The following WDPCP variants were observed in gnomAD, a reference collection of about 807,000 sequenced individuals.
WDPCP encodes the protein WD repeat-containing and planar cell polarity effector protein fritz homolog.
In WDPCP, 71 loss-of-function variants were observed where a neutral mutation model predicts 93.1. The observed-to-expected ratio is 0.76, with a 90% CI of 0.63 to 0.93. The LOEUF (loss-of-function observed/expected upper bound fraction) is 0.93, where lower values mean the gene tolerates loss of function less well. Ranked by LOEUF, WDPCP falls within the 40% of genes least tolerant of loss-of-function variation. The pLI, the probability that WDPCP is intolerant of heterozygous loss-of-function variation, is 0.00. For missense variants in WDPCP, 844 were observed against 887.4 expected (o/e 0.95, Z 0.62); for synonymous variants, 315 against 315.0 (o/e 1.00, Z 0.00).
chr2:63,449,181 A>T (rs1698064710), intron 6 of WDPCP, among the ~76,000 whole-genome samples: 1 of 152,206 alleles, frequency 6.6e-6, no homozygotes, highest in Non-Finnish European at 1.5e-5. Flanking sequence ...AATCTATCAC[A>T]AAATATTTGC....
At chr2:63,468,887 C>T (rs1288203024) in intron 6 of WDPCP, among the ~76,000 whole-genome samples, 1 of 152,058 alleles carries the variant, frequency 6.6e-6, no homozygotes, top group Non-Finnish European at 1.5e-5. Flanking sequence ...ATTAAAACCT[C>T]TTTTGACTCC....
At chr2:63,825,371 T>C (rs1558920063) in intron 1 of WDPCP, among the ~76,000 whole-genome samples, 1 of 152,174 alleles carries the variant, frequency 6.6e-6, no homozygotes, top group Non-Finnish European at 1.5e-5. Context: ...ATGTTTTATA[T>C]AGGCTTTTTG....
intron 2 of WDPCP, among the ~76,000 whole-genome samples, chr2:63,719,923 T>C (rs980115608): frequency 2.6e-5 from 4 of 152,172 alleles, no homozygotes; most frequent in African/African-American, 9.7e-5. Context: ...CTAGTATTTA[T>C]ATAGCAATCA....
At chr2:63,146,464 G>A (rs962465326) in intron 17 of WDPCP, among the ~76,000 whole-genome samples, 5 of 145,310 alleles carry the variant, frequency 3.4e-5, no homozygotes, top group East Asian at 2.0e-4. Context: ...GAGTGCAGTC[G>A]TGCAGTCTTA....
chr2:63,163,778 T>A (rs1672787301), intron 15 of WDPCP, among the ~76,000 whole-genome samples: 1 of 152,202 alleles, frequency 6.6e-6, no homozygotes, highest in Non-Finnish European at 1.5e-5. Flanking sequence ...GGCATTCTGT[T>A]GACAATTTCT....
chr2:63,484,471 G>C, intron 6 of WDPCP, 133 bp downstream of exon 6: 1 of 949,856 alleles, frequency 1.1e-6, no homozygotes, highest in South Asian at 1.4e-5. Flanking sequence ...AGAACAACTA[G>C]AATTCAAACT....
At chr2:63,776,554 G>A (rs557937615) in intron 2 of WDPCP, among the ~76,000 whole-genome samples, 1 of 151,114 alleles carries the variant, frequency 6.6e-6, no homozygotes, top group South Asian at 2.1e-4. Context: ...TACCAGGAAG[G>A]CTGAGATAAG....
chr2:63,338,380 C>T (rs1462288059), intron 12 of WDPCP, among the ~76,000 whole-genome samples: 2 of 151,254 alleles, frequency 1.3e-5, no homozygotes, highest in South Asian at 2.1e-4. Context: ...GGTGAAACCC[C>T]GTCTCTATTA....
At position 63,302,148 on chromosome 2, in the gene WDPCP, C is replaced by G. The variant is rs183090402; in HGVS notation, c.1812+11100G>C. Among the ~76,000 whole-genome samples, 8 of 152,284 alleles carry G rather than the reference C, an allele frequency of 5.3e-5. No individual in the cohort carries two copies. The South Asian group carries it at 1.7e-3, about 32-fold the overall frequency. ...AGGGAGACTTAGGTCAATTTTCTAA[C>G]GACTCTGATAGGTATATAGAAGCTT... is the stretch of plus-strand genomic sequence containing the variant. On this transcript the variant is annotated intron_variant, in intron 13 of 17. Coordinates refer to ENST00000272321, the MANE Select transcript of WDPCP (RefSeq NM_015910.7).
rs373177115 is a variant in WDPCP, at chr2:63,575,399, GTA to G, written c.75+12796_75+12797del. On this transcript the variant is annotated intron_variant, in intron 1 of 17. Transcript: ENST00000272321. ...ATACAGTATATACACGGTATATACA[GTA>G]TATATACAGTATATACACTGTATAC... is the stretch of plus-strand genomic sequence containing the variant. 6.6e-3 allele frequency among the ~76,000 whole-genome samples: 142 copies of G among 21,368 alleles called. 9 individuals are homozygous for G. Among genetic ancestry groups the G allele is most frequent in the Non-Finnish European group, 0.012 (96 of 7,690 alleles). 14.0% of individuals were successfully genotyped at this position (21,368 alleles called of 152,430 possible). A position where few individuals can be genotyped will look rare whatever the true frequency, so the allele number is the denominator to read the frequency against.
At chr2:63,210,489 C>T (rs1435749422) in intron 14 of WDPCP, among the ~76,000 whole-genome samples, 8 of 152,022 alleles carry the variant, frequency 5.3e-5, no homozygotes, top group South Asian at 2.1e-4. Flanking sequence ...TCCAAGATGG[C>T]GGGATAGGAA....
At chr2:63,282,774 G>C (rs949727196) in intron 13 of WDPCP, among the ~76,000 whole-genome samples, 1 of 152,042 alleles carries the variant, frequency 6.6e-6, no homozygotes, top group Non-Finnish European at 1.5e-5. Flanking sequence ...CAGTATTAAT[G>C]AGGGATTTGT....
chr2:63,419,793 A>C (rs1264651912), intron 9 of WDPCP, among the ~76,000 whole-genome samples: 1 of 152,220 alleles, frequency 6.6e-6, no homozygotes, highest in Non-Finnish European at 1.5e-5. Flanking sequence ...TAAATCAGGA[A>C]AAAAAATTAC....
At chr2:63,492,765 TG>T in intron 2 of WDPCP, 90 bp downstream of exon 2, 1 of 1,164,336 alleles carries the variant, frequency 8.6e-7, no homozygotes, top group Non-Finnish European at 1.3e-6. Flanking sequence ...CAACTCCAGC[TG>T]GAGAATTCAG....
chr2:63,234,761 T>A (rs1679236281), intron 14 of WDPCP, among the ~76,000 whole-genome samples: 1 of 152,172 alleles, frequency 6.6e-6, no homozygotes, highest in Admixed American at 6.6e-5. Flanking sequence ...TACATTGTAG[T>A]ATAGAATGTA....
intron 2 of WDPCP, among the ~76,000 whole-genome samples, chr2:63,765,255 T>C (rs1474425973): frequency 6.6e-6 from 1 of 152,120 alleles, no homozygotes; most frequent in Non-Finnish European, 1.5e-5. Flanking sequence ...ACATTTCAGC[T>C]GAGATCTGAA....
chr2:63,622,745 G>A, intron 3 of WDPCP: 2 of 1,613,282 alleles, frequency 1.2e-6, no homozygotes, highest in South Asian at 2.2e-5. Context: ...GTTTGCTATA[G>A]GGATTCGGGT....
At chr2:63,803,855 A>T (rs542916724) in intron 2 of WDPCP, among the ~76,000 whole-genome samples, 44 of 152,204 alleles carry the variant, frequency 2.9e-4, no homozygotes, top group Non-Finnish European at 5.4e-4. Context: ...AATACACATA[A>T]TTTCAGTGTT....
chr2:63,304,154 A>G (rs1306897703), intron 13 of WDPCP, among the ~76,000 whole-genome samples: 4 of 152,196 alleles, frequency 2.6e-5, no homozygotes, highest in Admixed American at 2.0e-4. Context: ...CCAAAGGAAA[A>G]TAAATTATTA....
Sources: allele counts gnomAD v4.1 joint callset (sites outside exome capture counted in the v4.1 genomes callset), GRCh38; gene constraint gnomAD v4.1.1; transcripts MANE v1.5; gene names NCBI Gene and HGNC (gene_info 2026-07-23, HGNC 2026-07-21).